Variants in SRPK2 observed in about 807,000 individuals in gnomAD.
The protein encoded by SRPK2 is SFRS protein kinase 2.
In SRPK2, 21 loss-of-function variants were observed where a neutral mutation model predicts 90.8. The observed-to-expected ratio is 0.23, with a 90% CI of 0.16 to 0.33. The LOEUF (loss-of-function observed/expected upper bound fraction) is 0.33. SRPK2 is among the 10% of genes least tolerant of loss of function. The pLI, the probability that SRPK2 is intolerant of heterozygous loss-of-function variation, is 1.00. For synonymous variants in SRPK2, 288 were observed against 311.1 expected (o/e 0.93, Z 0.78); for missense variants, 620 against 869.0 (o/e 0.71, Z 3.60).
chr7:105,174,739 A>C (rs1017745227), intron 3 of SRPK2, among the ~76,000 whole-genome samples: 8 of 152,320 alleles, frequency 5.3e-5, no homozygotes. Flanking sequence ...AGCTTGACCT[A>C]ATTACCATTT....
chr7:105,142,799 A>G (rs2129576774), intron 10 of SRPK2, among the ~76,000 whole-genome samples: 1 of 152,390 alleles, frequency 6.6e-6, no homozygotes, highest in East Asian at 1.9e-4. Context: ...CAGTTAGGTA[A>G]AAAGTTAATG....
At chr7:105,303,315 G>A (rs924291269) in intron 2 of SRPK2, among the ~76,000 whole-genome samples, 3 of 152,110 alleles carry the variant, frequency 2.0e-5, no homozygotes, top group African/African-American at 7.2e-5. Flanking sequence ...GGCCTGTCGT[G>A]GGGTGGGAGC....
At chr7:105,378,411 G>A (rs781752715) in intron 2 of SRPK2, among the ~76,000 whole-genome samples, 3 of 151,914 alleles carry the variant, frequency 2.0e-5, no homozygotes, top group Non-Finnish European at 2.9e-5. Flanking sequence ...AAAGGGTAGG[G>A]GGCAAAAGAC....
In SRPK2 at chr7:105,146,515, A is replaced by G; in HGVS notation, c.765T>C (p.Ala255=). 6.2e-7 allele frequency: 1 copy of G among 1,614,146 alleles called. No individual in the cohort carries two copies. Among genetic ancestry groups the G allele is most frequent in the Non-Finnish European group, 8.5e-7 (1 of 1,180,016 alleles). Residue 255 remains alanine, a synonymous_variant, in exon 8 of 16, where the codon GCT becomes GCC. Coordinates refer to ENST00000393651, the MANE Select transcript of SRPK2 (RefSeq NM_182692.3). ...AEATEWQKAG[A]PPPSGSAVST... is the part of the protein sequence containing the mutation. ...CACCTGCAGACCCTGAAGGAGGAGG[A>G]GCACCTGCTTTCTGCCACTCAGTGG...
chr7:105,283,393 T>A (rs1166497460), intron 2 of SRPK2, among the ~76,000 whole-genome samples: 2 of 152,262 alleles, frequency 1.3e-5, no homozygotes, highest in African/African-American at 2.4e-5. Context: ...GGAACTCATA[T>A]GTCCATCAAT....
At chr7:105,148,740 T>C (rs988938001) in intron 7 of SRPK2, among the ~76,000 whole-genome samples, 1 of 152,212 alleles carries the variant, frequency 6.6e-6, no homozygotes, top group South Asian at 2.1e-4. Context: ...ACAACTGCTT[T>C]GCTGAGATGT....
At chr7:105,341,910 T>G (rs752866986) in intron 2 of SRPK2, among the ~76,000 whole-genome samples, 4 of 151,836 alleles carry the variant, frequency 2.6e-5, no homozygotes, top group African/African-American at 4.8e-5. Context: ...GAGGTTGTAG[T>G]GAGCCGAGAT....
chr7:105,162,243 T>C (rs181225763), intron 6 of SRPK2, among the ~76,000 whole-genome samples: 3 of 152,316 alleles, frequency 2.0e-5, no homozygotes, highest in Admixed American at 2.0e-4. Flanking sequence ...GGTTTCACCA[T>C]GTTGGCCAGG....
intron 2 of SRPK2, among the ~76,000 whole-genome samples, chr7:105,227,971 T>C (rs1193184162): frequency 6.6e-6 from 1 of 151,936 alleles, no homozygotes; most frequent in Non-Finnish European, 1.5e-5. Context: ...TTTTTATTAC[T>C]TTACTATTTC....
At chr7:105,268,835 A>G (rs1464904934) in intron 2 of SRPK2, 2 of 1,598,518 alleles carry the variant, frequency 1.3e-6, no homozygotes, top group Non-Finnish European at 1.7e-6. Flanking sequence ...TCTCAGAGTT[A>G]ACTGACATCA....
intron 2 of SRPK2, among the ~76,000 whole-genome samples, chr7:105,261,073 A>G (rs1179640493): frequency 6.6e-6 from 1 of 151,978 alleles, no homozygotes; most frequent in African/African-American, 2.4e-5. Flanking sequence ...ACCAAAAAAC[A>G]CCAAGGTGAT....
In SRPK2 at chr7:105,142,485, C is replaced by T. The variant is rs1291856313; in HGVS notation, c.1066G>A (p.Ala356Thr). 1 of 1,605,036 alleles carries T rather than the reference C, an allele frequency of 6.2e-7. No homozygotes were observed. Among genetic ancestry groups the T allele is most frequent in the Non-Finnish European group, 8.5e-7 (1 of 1,176,812 alleles). ...EAETAKDNGE[A>T]EDQEEKEDAE... Reference sequence around the variant, plus strand: ...TCTTCTTTCTCTTCCTGGTCCTCAGCTTCACCTTAAGAATTTGATGGGTCA... The same window carrying T: ...TCTTCTTTCTCTTCCTGGTCCTCAGTTTCACCTTAAGAATTTGATGGGTCA... Residue 356 changes from alanine to threonine, a missense_variant, in exon 11 of 16, where the codon GCT becomes ACT. Around this residue, in one of 8 missense-constraint regions of SRPK2, gnomAD observed 243 missense variants for 245.7 expected, o/e 0.99. Transcript: ENST00000393651.
intron 2 of SRPK2, among the ~76,000 whole-genome samples, chr7:105,228,143 C>T (rs1304961170): frequency 1.3e-5 from 2 of 152,118 alleles, no homozygotes; most frequent in Non-Finnish European, 2.9e-5. Context: ...TTGGGCTCAG[C>T]CTCCCAAAGT....
At chr7:105,379,368 G>A (rs1164830590) in intron 2 of SRPK2, among the ~76,000 whole-genome samples, 1 of 152,002 alleles carries the variant, frequency 6.6e-6, no homozygotes, top group African/African-American at 2.4e-5. Context: ...ATATACAGGA[G>A]GATGTGTGAA....
chr7:105,377,452 G>C (rs560071448), intron 2 of SRPK2, among the ~76,000 whole-genome samples: 41 of 152,272 alleles, frequency 2.7e-4, no homozygotes, highest in East Asian at 7.7e-4. Flanking sequence ...CAGCACTTTG[G>C]GGGGCGGAGG....
intron 3 of SRPK2, 55 bp from the exon 4 acceptor site, chr7:105,169,320 A>C: frequency 7.6e-7 from 1 of 1,320,094 alleles, no homozygotes; most frequent in Non-Finnish European, 1.1e-6. Context: ...AGTAGTAATA[A>C]ACATTTCATC....
chr7:105,327,465 C>T (rs1813724887), intron 2 of SRPK2, among the ~76,000 whole-genome samples: 1 of 152,220 alleles, frequency 6.6e-6, no homozygotes, highest in South Asian at 2.1e-4. Flanking sequence ...CACTGCCAAT[C>T]TCTTGGTTTT....
intron 2 of SRPK2, among the ~76,000 whole-genome samples, chr7:105,292,785 C>T (rs1320965819): frequency 1.3e-5 from 2 of 152,344 alleles, no homozygotes; most frequent in Middle Eastern, 3.4e-3. Context: ...GTTTCCCACA[C>T]TGTTCATAAA....
intron 2 of SRPK2, among the ~76,000 whole-genome samples, chr7:105,212,650 G>A (rs1461629635): frequency 2.0e-5 from 3 of 152,156 alleles, no homozygotes; most frequent in Admixed American, 6.5e-5. Context: ...ATAGAAACAA[G>A]GATTAGCTTT....
Sources: gnomAD v4.1 joint callset for allele counts (sites outside exome capture counted in the v4.1 genomes callset) on GRCh38, gnomAD v4.1.1 for gene constraint, gnomAD v4.1.1 regional missense constraint, MANE v1.5 for transcripts, NCBI Gene and HGNC (gene_info 2026-07-23, HGNC 2026-07-21) for gene names.